NOS3: variants seen among roughly 807,000 people sequenced by gnomAD.
NOS3 encodes the protein NOS type III.
Under a neutral mutation model 144.9 loss-of-function variants are expected in NOS3, and 98 were observed. That is an observed-to-expected ratio of 0.68 (90% CI 0.57 to 0.80). NOS3 has a LOEUF of 0.80. Ranked by LOEUF, NOS3 falls within the 30% of genes least tolerant of loss-of-function variation. NOS3 has a pLI of 0.00. For synonymous variants in NOS3, 714 were observed against 702.4 expected, an observed-to-expected ratio of 1.02 and a Z score of -0.26; for missense variants, 1,465 against 1,656.4, an observed-to-expected ratio of 0.88 and a Z score of 2.01.
intron 1 of NOS3, among the ~76,000 whole-genome samples, chr7:150,991,968 C>T (rs1219111613): frequency 6.6e-6 from 1 of 151,412 alleles, no homozygotes; most frequent in Non-Finnish European, 1.5e-5. Context: ...TGCATTCCAG[C>T]CTGGACAACA....
rs764780722 is a variant in NOS3 at position 151,010,137 on chromosome 7, G to T, written c.2535G>T (p.Val845=). 8.7e-6 allele frequency: 14 copies of T among 1,607,044 alleles called. No individual in the cohort carries two copies. Among genetic ancestry groups the T allele is most frequent in the African/African-American group, 1.3e-5 (1 of 74,930 alleles). ...GSPGGPPPGW[V]RDPRLPPCTL... is the part of the protein sequence containing the mutation. ...CAGGTGGCCCTCCCCCCGGCTGGGTGCGGGACCCCCGGCTGCCCCCGTGCA... is the reference window on the plus strand; with the variant it reads ...CAGGTGGCCCTCCCCCCGGCTGGGTTCGGGACCCCCGGCTGCCCCCGTGCA... Residue 845 remains valine, a synonymous_variant, in exon 21 of 27, where the codon GTG becomes GTT. Coordinates refer to ENST00000297494, the MANE Select transcript of NOS3 (RefSeq NM_000603.5).
rs761923015 is a variant in NOS3, at chr7:151,013,854, G to A, written c.3386G>A (p.Arg1129His). The change falls in exon 26 of 27, where the codon CGC becomes CAC. Residue 1129 changes from arginine (R) to histidine (H), a missense_variant. This residue lies in a region of NOS3 where 228 missense variants were observed against 227.7 expected (regional missense o/e 1.00). Transcript: ENST00000297494. ...MATNVLQTVQ[R>H]ILATEGDMEL... is the part of the protein sequence containing the mutation. ...ACCAACGTCCTGCAGACCGTGCAGC[G>A]CATCCTGGCGACGGAGGGCGACATG... The A allele has an allele frequency of 5.0e-6, 8 of 1,603,788 alleles. No individual in the cohort carries two copies. The East Asian group carries it at 1.1e-4, about 23-fold the overall frequency.
At position 151,002,838 on chromosome 7, in the gene NOS3, C is replaced by A. The variant is rs1466733475; in HGVS notation, c.1752+534C>A. The A allele has an allele frequency of 2.6e-5, 5 of 194,058 alleles. No individual in the cohort carries two copies. Among genetic ancestry groups the A allele is most frequent in the Non-Finnish European group, 5.4e-5 (5 of 92,250 alleles). The allele number at this position is 194,058 out of a possible 1,614,324, so 12.0% of individuals were successfully genotyped here. ...TTATTTGTTTTATTTATTTTGAGAA[C>A]CTATTTACGTTGCCCAGGCTGGCCT... is the stretch of plus-strand genomic sequence containing the variant. On this transcript the variant is annotated intron_variant, in intron 14 of 26. Transcript: ENST00000297494. The surrounding 1 kb of genome is among the most constrained non-coding windows in gnomAD (Gnocchi z 4.1).
chr7:151,012,210 T>G, intron 23 of NOS3, 141 bp from the exon 24 acceptor site: 1 of 652,268 alleles, frequency 1.5e-6, no homozygotes, highest in Non-Finnish European at 2.5e-6. Flanking sequence ...CAAGTAGAGT[T>G]GTTTTTTGTT....
In NOS3 at chr7:151,003,914, A is replaced by G. The variant is rs2117123548; in HGVS notation, c.1752+1610A>G. The G allele has an allele frequency of 2.8e-6, 1 of 351,368 alleles. No individual in the cohort carries two copies. The allele number at this position is 351,368 out of a possible 1,614,324, so 21.8% of individuals were successfully genotyped here. The stretch of plus-strand genomic sequence containing the variant: ...TCCAGGTCGGGGCTATTATGAATAA[A>G]CCTGTTATGAACATTCTTGTACCCG... On this transcript the variant is annotated intron_variant, in intron 14 of 26. Coordinates refer to ENST00000297494, the MANE Select transcript of NOS3 (RefSeq NM_000603.5). This position sits in a 1 kb window ranked among gnomAD's most constrained non-coding sequence, Gnocchi z 4.1.
At chr7:151,008,907 G>A (rs373037313) in intron 17 of NOS3, 23 bp from the exon 18 acceptor site, 2 of 1,597,364 alleles carry the variant, frequency 1.3e-6, no homozygotes, top group East Asian at 2.3e-5. Flanking sequence ...GAGGTCCTCA[G>A]CCCTCACCGG....
Position 151,006,476 on chromosome 7 carries a change from C to T in NOS3, c.1802C>T (p.Pro601Leu). ...MEMSGPYNSSPRPEQHKSYKI... is the reference protein window; with the variant it reads ...MEMSGPYNSSLRPEQHKSYKI... ...ATGTCCGGCCCCTACAACAGCTCCC[C>T]TCGGCCGGAACAGCACAAGTGAGTT... is the stretch of plus-strand genomic sequence containing the variant. Residue 601 changes from proline to leucine, a missense_variant, in exon 15 of 27, where the codon CCT becomes CTT. By Grantham distance (98) the Pro-to-Leu change is moderately conservative. Coordinates refer to ENST00000297494, the MANE Select transcript of NOS3 (RefSeq NM_000603.5). 1 of 1,613,878 alleles carries T rather than the reference C, an allele frequency of 6.2e-7. No individual in the cohort carries two copies. The highest frequency in any genetic ancestry group is 8.5e-7 in the Non-Finnish European group (1 of 1,179,936).
chr7:150,993,839 G>T lies in NOS3; in HGVS notation c.36G>T (p.Gly12=). ...TGAAGAGCGTGGCCCAGGAGCCTGG[G>T]CCACCCTGCGGCCTGGGGCTGGGGC... ...GNLKSVAQEP[G]PPCGLGLGLG... Residue 12 remains glycine, a synonymous_variant, in exon 2 of 27, where the codon GGG becomes GGT. Coordinates refer to ENST00000297494, the MANE Select transcript of NOS3 (RefSeq NM_000603.5). The surrounding 1 kb of genome is among the most constrained non-coding windows in gnomAD (Gnocchi z 4.0). 1.2e-6 allele frequency: 2 copies of T among 1,600,860 alleles called. No individual in the cohort carries two copies. The highest frequency in any genetic ancestry group is 1.7e-6 in the Non-Finnish European group (2 of 1,176,538).
At chr7:151,009,690 C>T (rs2117132523) in intron 20 of NOS3, 105 bp downstream of exon 20, 1 of 959,504 alleles carries the variant, frequency 1.0e-6, no homozygotes, top group East Asian at 2.7e-5. Context: ...GGGGTGGCCA[C>T]CTCCTCCACA....
intron 3 of NOS3, 99 bp from the exon 4 acceptor site, chr7:150,996,305 C>T (rs1380466684): frequency 8.8e-6 from 2 of 227,348 alleles, no homozygotes; most frequent in Non-Finnish European, 1.4e-5. Context: ...CCTCCTCCCT[C>T]TCCCCCTGTT....
Position 151,013,853 on chromosome 7 carries a change from C to T in NOS3, c.3385C>T (p.Arg1129Cys), listed in dbSNP as rs774447524. ...MATNVLQTVQ[R>C]ILATEGDMEL... ...AACCAACGTCCTGCAGACCGTGCAG[C>T]GCATCCTGGCGACGGAGGGCGACAT... is the stretch of plus-strand genomic sequence containing the variant. Residue 1129 changes from arginine (R) to cysteine (C), a missense_variant, in exon 26 of 27, where the codon CGC becomes TGC. Arg to Cys is a radical substitution (Grantham distance 180). Coordinates refer to ENST00000297494, the MANE Select transcript of NOS3 (RefSeq NM_000603.5). 3.7e-6 allele frequency: 6 copies of T among 1,604,444 alleles called. No individual in the cohort carries two copies. The highest frequency in any genetic ancestry group is 2.2e-5 in the South Asian group (2 of 89,528).
chr7:150,997,573 G>C (rs1802460945), intron 5 of NOS3, among the ~76,000 whole-genome samples: 1 of 152,204 alleles, frequency 6.6e-6, no homozygotes, highest in Non-Finnish European at 1.5e-5. Flanking sequence ...CCCCATGGGG[G>C]ACTTGGTCCC....
In NOS3 at chr7:150,998,277, C is replaced by T; in HGVS notation, c.583-80C>T. ...TGAACCATGGCCCCTGCCTCCTCAC[C>T]AGCAGCTCCTCTGGAGCTGATACTC... is the stretch of plus-strand genomic sequence containing the variant. On this transcript the variant is annotated intron_variant, in intron 5 of 26. Transcript: ENST00000297494. This position sits in a 1 kb window ranked among gnomAD's most constrained non-coding sequence, Gnocchi z 5.0. The T allele has an allele frequency of 3.9e-6, 5 of 1,294,900 alleles. No individual in the cohort carries two copies. The highest frequency in any genetic ancestry group is 5.5e-6 in the Non-Finnish European group (5 of 916,956). The allele number at this position is 1,294,900 out of a possible 1,614,324, so 80.2% of individuals were successfully genotyped here. A position where few individuals can be genotyped will look rare whatever the true frequency, so the allele number is the denominator to read the frequency against.
chr7:151,010,644 G>A lies in NOS3; in HGVS notation c.2733G>A (p.Leu911=), dbSNP rs1356691230. The A allele has an allele frequency of 6.2e-7, 1 of 1,605,762 alleles. No individual in the cohort carries two copies. Among genetic ancestry groups the A allele is most frequent in the South Asian group, 1.1e-5 (1 of 89,428 alleles). ...GGAAGTGGTTCCGCTGCCCCACGCT[G>A]CTGGAGGTGCTGGAGCAGTTCCCGT... ...EEWKWFRCPT[L]LEVLEQFPSV... The change falls in exon 22 of 27, where the codon CTG becomes CTA. Residue 911 remains leucine (L), a synonymous_variant. Transcript: ENST00000297494.
At chr7:151,000,744 C>T (rs1795071255) in intron 10 of NOS3, 145 bp downstream of exon 10, 2 of 644,370 alleles carry the variant, frequency 3.1e-6, no homozygotes, top group East Asian at 2.7e-5. Context: ...TGCCATGGCG[C>T]ACACTGGCCT....
rs945599651 is a variant in NOS3 at position 150,993,384 on chromosome 7, C to A, written c.-51-369C>A. Among the ~76,000 whole-genome samples, 28 of 152,176 alleles carry A rather than the reference C, an allele frequency of 1.8e-4. No individual in the cohort carries two copies. The highest frequency in any genetic ancestry group is 3.2e-4 in the Non-Finnish European group (22 of 68,014). ...ACAGAAACGGTGCTCACCTTCTGCC[C>A]AACCCTCCAGGGAAAGGCACACAGG... On this transcript the variant is annotated intron_variant, in intron 1 of 26. Transcript: ENST00000297494. The surrounding 1 kb of genome is among the most constrained non-coding windows in gnomAD (Gnocchi z 4.0).
intron 23 of NOS3, 140 bp from the exon 24 acceptor site, chr7:151,012,211 G>GTGTT: frequency 1.4e-6 from 1 of 689,922 alleles, no homozygotes; most frequent in Non-Finnish European, 2.3e-6. Flanking sequence ...AAGTAGAGTT[G>GTGTT]TTTTTTGTTT....
Position 150,999,177 on chromosome 7 carries a change from C to G in NOS3, c.957-13C>G. ...TGCAAGGGGGTGCTGATCCCACACC[C>G]CAACACCCCCAGGCTGGAGTGGTTT... On this transcript the variant is annotated splice_polypyrimidine_tract_variant and intron_variant, in intron 8 of 26. Coordinates refer to ENST00000297494, the MANE Select transcript of NOS3 (RefSeq NM_000603.5). 6.2e-7 allele frequency: 1 copy of G among 1,609,784 alleles called. No homozygotes were observed. Among genetic ancestry groups the G allele is most frequent in the South Asian group, 1.1e-5 (1 of 90,900 alleles).
chr7:150,995,946 C>CA (rs1802396110), intron 3 of NOS3, among the ~76,000 whole-genome samples: 1 of 1,872 alleles, frequency 5.3e-4, no homozygotes, highest in African/African-American at 5.4e-3. Flanking sequence ...TCCTCCCTCT[C>CA]CCCGTCCCAT....
Sources: gnomAD v4.1 joint callset for allele counts (sites outside exome capture counted in the v4.1 genomes callset) on GRCh38, gnomAD v4.1.1 for gene constraint, gnomAD v4.1.1 regional missense constraint, Gnocchi (gnomAD v3.1) non-coding constraint, MANE v1.5 for transcripts, NCBI Gene and HGNC (gene_info 2026-07-23, HGNC 2026-07-21) for gene names.